Variants in TNIP3 observed in about 807,000 individuals in gnomAD.
TNIP3 encodes the protein TNFAIP3 interacting protein 3.
A neutral mutation model predicts 54.1 loss-of-function variants in TNIP3; 34 were observed. The observed-to-expected ratio is 0.63, with a 90% CI of 0.48 to 0.84. The LOEUF (loss-of-function observed/expected upper bound fraction) is 0.84. Among genes scored for constraint, TNIP3 ranks in the 40% least tolerant of loss-of-function variants. TNIP3 has a pLI of 0.00. For missense variants in TNIP3, 366 were observed against 387.6 expected (o/e 0.94, Z 0.47); for synonymous variants, 134 against 136.8 (o/e 0.98, Z 0.14).
chr4:121,132,697 A>C lies in TNIP3; in HGVS notation c.947-35T>G, dbSNP rs780530380. 1.4e-5 allele frequency: 22 copies of C among 1,573,804 alleles called. No individual in the cohort carries two copies. The East Asian group carries it at 4.9e-4, about 35-fold the overall frequency. On this transcript the variant is annotated intron_variant, in intron 10 of 10. Coordinates refer to ENST00000057513, the MANE Select transcript of TNIP3 (RefSeq NM_024873.6). ...ACAGTAGGAAAATGTTTTAGATTAA[A>C]AATTAACATTTCATTTCTCTTCTTC...
chr4:121,132,596 C>T lies in TNIP3; in HGVS notation c.*35G>A, dbSNP rs567248535. On this transcript the variant is annotated 3_prime_UTR_variant, in exon 11 of 11. Transcript: ENST00000057513. ...AAGAGGGTCCTCAGCCACGCTCCCT[C>T]GTTGCCTGTTGTCTCTCTCTGTTAG... 24 of 1,607,268 alleles carry T rather than the reference C, an allele frequency of 1.5e-5. No homozygotes were observed. The highest frequency in any genetic ancestry group is 1.7e-4 in the Middle Eastern group (1 of 6,034).
intron 10 of TNIP3, chr4:121,136,503 T>A (rs1257284202): frequency 2.6e-5 from 4 of 152,120 alleles, no homozygotes; most frequent in African/African-American, 9.7e-5. Flanking sequence ...TGTTAAATAG[T>A]GCAAAACAAA....
intron 1 of TNIP3, among the ~76,000 whole-genome samples, chr4:121,224,472 G>A (rs1727177491): frequency 6.6e-6 from 1 of 152,154 alleles, no homozygotes; most frequent in South Asian, 2.1e-4. Flanking sequence ...TACCTGTAAA[G>A]CTCAAGATCC....
chr4:121,203,274 A>G (rs1190592230), intron 2 of TNIP3, among the ~76,000 whole-genome samples: 1 of 150,480 alleles, frequency 6.6e-6, no homozygotes, highest in East Asian at 2.0e-4. Context: ...GATACCATGA[A>G]ATACTATTCA....
chr4:121,227,014 T>C (rs1345840486), intron 1 of TNIP3, among the ~76,000 whole-genome samples: 1 of 152,214 alleles, frequency 6.6e-6, no homozygotes, highest in Non-Finnish European at 1.5e-5. Context: ...TATAAGTACT[T>C]ACATTTAGTT....
At chr4:121,184,310 G>T (rs1724886151) in intron 2 of TNIP3, among the ~76,000 whole-genome samples, 1 of 152,318 alleles carries the variant, frequency 6.6e-6, no homozygotes, top group East Asian at 1.9e-4. Context: ...GGCAGAGGTT[G>T]CTAGGGTTGT....
intron 2 of TNIP3, among the ~76,000 whole-genome samples, chr4:121,197,578 A>G (rs1725669104): frequency 6.6e-6 from 1 of 151,952 alleles, no homozygotes; most frequent in Non-Finnish European, 1.5e-5. Flanking sequence ...TAAAATACAC[A>G]TTTGAAGTAT....
chr4:121,165,210 GTGAT>G, upstream of TNIP3, among the ~76,000 whole-genome samples: 1 of 151,218 alleles, frequency 6.6e-6, no homozygotes, highest in Middle Eastern at 3.4e-3. Flanking sequence ...TCAAAAGAGA[GTGAT>G]TGAGTGTCCC....
chr4:121,172,308 G>A (rs1724015616), intron 3 of TNIP3, among the ~76,000 whole-genome samples: 1 of 152,190 alleles, frequency 6.6e-6, no homozygotes, highest in African/African-American at 2.4e-5. Context: ...TGAAAGAGTG[G>A]TTAACTGAGG....
intron 2 of TNIP3, among the ~76,000 whole-genome samples, chr4:121,186,181 G>GA (rs1725007783): frequency 2.6e-5 from 4 of 152,310 alleles, no homozygotes; most frequent in South Asian, 4.1e-4. Flanking sequence ...AGAAAGAGGA[G>GA]AAGTGGCAGC....
intron 5 of TNIP3, among the ~76,000 whole-genome samples, chr4:121,153,726 G>C (rs1169576980): frequency 6.6e-6 from 1 of 152,126 alleles, no homozygotes; most frequent in Non-Finnish European, 1.5e-5. Context: ...CTGAACACCA[G>C]TTAACTACAA....
At chr4:121,201,867 A>G (rs951089678) in intron 2 of TNIP3, among the ~76,000 whole-genome samples, 1 of 152,234 alleles carries the variant, frequency 6.6e-6, no homozygotes, top group Non-Finnish European at 1.5e-5. Context: ...TTTATTTTAA[A>G]TGTCACATTA....
upstream of TNIP3, chr4:121,164,463 T>C: frequency 1.8e-6 from 1 of 544,288 alleles, no homozygotes; most frequent in Non-Finnish European, 2.4e-6. Context: ...TCATTCTTCC[T>C]TTACTGGCAG....
chr4:121,176,398 A>G (rs1398913420), intron 3 of TNIP3, among the ~76,000 whole-genome samples: 6 of 152,190 alleles, frequency 3.9e-5, no homozygotes, highest in Admixed American at 3.9e-4. Context: ...AATAGATCAA[A>G]ACATTCCACA....
intron 10 of TNIP3, among the ~76,000 whole-genome samples, chr4:121,133,508 A>T (rs1203356436): frequency 1.3e-5 from 2 of 152,240 alleles, no homozygotes; most frequent in African/African-American, 4.8e-5. Flanking sequence ...TCTGAAGTTA[A>T]CATTAAATAA....
At chr4:121,182,579 A>G (rs1282456446) in intron 3 of TNIP3, 2 of 1,379,630 alleles carry the variant, frequency 1.4e-6, no homozygotes, top group Non-Finnish European at 1.9e-6. Flanking sequence ...TACATGACTG[A>G]CGGTAAATGA....
At chr4:121,182,856 G>A (rs763790356) in intron 2 of TNIP3, 18 of 1,502,672 alleles carry the variant, frequency 1.2e-5, no homozygotes, top group Admixed American at 1.0e-4. Context: ...TTATTCAGGC[G>A]TAGAGTGAGT....
At chr4:121,135,394 T>A (rs1220484314) in intron 10 of TNIP3, among the ~76,000 whole-genome samples, 1 of 152,020 alleles carries the variant, frequency 6.6e-6, no homozygotes, top group African/African-American at 2.4e-5. Context: ...CTTCTTCTTT[T>A]TTTTTATTTT....
At chr4:121,201,038 T>G (rs908508224) in intron 2 of TNIP3, among the ~76,000 whole-genome samples, 2 of 152,114 alleles carry the variant, frequency 1.3e-5, no homozygotes, top group South Asian at 4.1e-4. Flanking sequence ...GAGTAGGAGT[T>G]GAAGGTCAAG....
Sources: gnomAD v4.1 joint callset for allele counts (sites outside exome capture counted in the v4.1 genomes callset) on GRCh38, gnomAD v4.1.1 for gene constraint, MANE v1.5 for transcripts, NCBI Gene and HGNC (gene_info 2026-07-23, HGNC 2026-07-21) for gene names.